Variants in RANBP17 observed in about 807,000 individuals in gnomAD.
RANBP17 encodes the protein RAN binding protein 17.
Under a neutral mutation model 141.2 loss-of-function variants are expected in RANBP17, and 158 were observed. The observed-to-expected ratio is 1.12, with a 90% confidence interval of 0.98 to 1.28. RANBP17 has a LOEUF of 1.28. Ranked by LOEUF, RANBP17 falls within the 50% of genes most tolerant of loss-of-function variation. RANBP17 has a pLI of 0.00. For missense variants in RANBP17, 1,438 were observed against 1,290.7 expected (o/e 1.11, Z -1.75); for synonymous variants, 430 against 450.0 (o/e 0.96, Z 0.56).
chr5:170,904,148 A>G (rs932417034), intron 5 of RANBP17: 6 of 336,968 alleles, frequency 1.8e-5, no homozygotes, highest in African/African-American at 8.7e-5. Context: ...AACCATCTCT[A>G]CAATTTGTCT....
intron 14 of RANBP17, among the ~76,000 whole-genome samples, chr5:171,090,602 A>G (rs1786176005): frequency 6.6e-6 from 1 of 152,170 alleles, no homozygotes; most frequent in Non-Finnish European, 1.5e-5. Context: ...TCTCCAGGTC[A>G]TGTCAGAGAA....
At chr5:171,150,287 GT>G (rs1474341752) in intron 14 of RANBP17, among the ~76,000 whole-genome samples, 2 of 151,830 alleles carry the variant, frequency 1.3e-5, no homozygotes, top group African/African-American at 4.8e-5. Flanking sequence ...TAATTAAAAT[GT>G]TTTTCTCCCT....
intron 20 of RANBP17, 64 bp from the exon 21 acceptor site, chr5:171,213,567 G>GGC: frequency 9.2e-7 from 1 of 1,081,792 alleles, no homozygotes. Flanking sequence ...GTATGTGTGT[G>GGC]GCACTAATTT....
chr5:171,092,948 A>G (rs1163183732), intron 14 of RANBP17, among the ~76,000 whole-genome samples: 1 of 152,230 alleles, frequency 6.6e-6, no homozygotes, highest in Non-Finnish European at 1.5e-5. Flanking sequence ...ACTCATCTAT[A>G]TTTAATGTCT....
At chr5:170,996,587 T>C (rs940914081) in intron 14 of RANBP17, among the ~76,000 whole-genome samples, 1 of 152,196 alleles carries the variant, frequency 6.6e-6, no homozygotes, top group Admixed American at 6.5e-5. Context: ...AAGACAGCAT[T>C]CAGACCTAGG....
chr5:171,041,627 A>G (rs941593661), intron 14 of RANBP17, among the ~76,000 whole-genome samples: 1 of 152,166 alleles, frequency 6.6e-6, no homozygotes, highest in Non-Finnish European at 1.5e-5. Context: ...CCTAGGCTAC[A>G]AACCTGTACA....
At chr5:171,108,742 C>T (rs1029638876) in intron 14 of RANBP17, among the ~76,000 whole-genome samples, 1 of 152,094 alleles carries the variant, frequency 6.6e-6, no homozygotes, top group Non-Finnish European at 1.5e-5. Context: ...TTTTTCTATA[C>T]AGTATTTCAC....
At chr5:171,280,947 C>T (rs981182956) in intron 25 of RANBP17, among the ~76,000 whole-genome samples, 8 of 152,106 alleles carry the variant, frequency 5.3e-5, no homozygotes, top group African/African-American at 1.9e-4. Context: ...TTTTGAATAC[C>T]AGTTATACTA....
chr5:171,087,356 C>A (rs1455171323), intron 14 of RANBP17, among the ~76,000 whole-genome samples: 1 of 151,992 alleles, frequency 6.6e-6, no homozygotes, highest in Non-Finnish European at 1.5e-5. Context: ...TGTTCTTTTA[C>A]ATTTGCTGAG....
At chr5:171,102,222 A>G (rs906081212) in intron 14 of RANBP17, among the ~76,000 whole-genome samples, 2 of 152,088 alleles carry the variant, frequency 1.3e-5, no homozygotes, top group African/African-American at 4.8e-5. Flanking sequence ...GTCACTTTCC[A>G]GTACCCCAAG....
chr5:171,164,867 TAGA>T (rs764046690), intron 14 of RANBP17, among the ~76,000 whole-genome samples: 1 of 152,246 alleles, frequency 6.6e-6, no homozygotes, highest in Non-Finnish European at 1.5e-5. Flanking sequence ...TGAGTGTTAC[TAGA>T]AGGTGTTAAT....
chr5:171,128,149 C>T (rs1756631428), intron 14 of RANBP17, among the ~76,000 whole-genome samples: 1 of 151,952 alleles, frequency 6.6e-6, no homozygotes, highest in African/African-American at 2.4e-5. Context: ...CAGAGTGAGA[C>T]TCCGTCTCAA....
intron 14 of RANBP17, among the ~76,000 whole-genome samples, chr5:171,021,673 C>A (rs1476087407): frequency 6.6e-6 from 1 of 152,166 alleles, no homozygotes. Context: ...GCTCCTCTAA[C>A]CTTTTATCAT....
chr5:170,900,343 G>A (rs1344729056), intron 5 of RANBP17, among the ~76,000 whole-genome samples: 3 of 152,100 alleles, frequency 2.0e-5, no homozygotes, highest in African/African-American at 4.8e-5. Flanking sequence ...GTATTTCCGT[G>A]GGGTCAGTGG....
chr5:170,962,919 C>T (rs952606650), intron 13 of RANBP17, among the ~76,000 whole-genome samples: 3 of 152,042 alleles, frequency 2.0e-5, no homozygotes, highest in Admixed American at 6.6e-5. Flanking sequence ...TAAAAATTTT[C>T]GTATGCTGTG....
At chr5:170,869,490 C>G (rs1167529845) in intron 1 of RANBP17, among the ~76,000 whole-genome samples, 1 of 152,168 alleles carries the variant, frequency 6.6e-6, no homozygotes, top group Non-Finnish European at 1.5e-5. Flanking sequence ...GGCCAGAAAT[C>G]TGAAACATAC....
At chr5:171,252,865 T>C in intron 24 of RANBP17, 1 of 1,357,082 alleles carries the variant, frequency 7.4e-7, no homozygotes, top group South Asian at 1.2e-5. Context: ...TTGGTTGTTG[T>C]TTGATGACGA....
chr5:170,924,085 C>T (rs182122928), intron 11 of RANBP17, among the ~76,000 whole-genome samples: 1 of 151,876 alleles, frequency 6.6e-6, no homozygotes, highest in East Asian at 1.9e-4. Flanking sequence ...GCAACCTCCG[C>T]CTCCCAAGTT....
At chr5:170,975,959 A>G (rs1777340542) in intron 14 of RANBP17, among the ~76,000 whole-genome samples, 1 of 151,460 alleles carries the variant, frequency 6.6e-6, no homozygotes, top group Admixed American at 6.6e-5. Flanking sequence ...TAAATATTGT[A>G]CTAGGGGTTC....
Sources: allele counts gnomAD v4.1 joint callset (sites outside exome capture counted in the v4.1 genomes callset), GRCh38; gene constraint gnomAD v4.1.1; transcripts MANE v1.5; gene names NCBI Gene and HGNC (gene_info 2026-07-23, HGNC 2026-07-21).